UHRF2: variants seen among roughly 807,000 people sequenced by gnomAD.
The protein encoded by UHRF2 is E3 ubiquitin-protein ligase UHRF2.
A neutral mutation model predicts 96.8 loss-of-function variants in UHRF2; 23 were observed. The observed-to-expected ratio is 0.24, with a 90% CI of 0.17 to 0.34. The LOEUF (loss-of-function observed/expected upper bound fraction) is 0.34. Ranked by LOEUF, UHRF2 falls within the 10% of genes least tolerant of loss-of-function variation. UHRF2 has a pLI of 1.00. For synonymous variants in UHRF2, 385 were observed against 332.6 expected (o/e 1.16, Z -1.72); for missense variants, 685 against 981.5 (o/e 0.70, Z 4.04).
intron 4 of UHRF2, among the ~76,000 whole-genome samples, chr9:6,466,403 G>C (rs1007060865): frequency 6.6e-6 from 1 of 152,074 alleles, no homozygotes; most frequent in African/African-American, 2.4e-5. Context: ...AGCTGGGCAT[G>C]CTGGTGCACG....
At chr9:6,450,360 A>G (rs1821785373) in intron 3 of UHRF2, among the ~76,000 whole-genome samples, 1 of 120,504 alleles carries the variant, frequency 8.3e-6, no homozygotes, top group Non-Finnish European at 1.6e-5. Context: ...CAATTTTCTC[A>G]GTCTGGATTT....
chr9:6,433,944 G>A lies in UHRF2; in HGVS notation c.415G>A (p.Gly139Ser), dbSNP rs1309228574. The A allele has an allele frequency of 1.2e-6, 2 of 1,609,386 alleles. No individual in the cohort carries two copies. The highest frequency in any genetic ancestry group is 1.7e-6 in the Non-Finnish European group (2 of 1,176,446). ...VNELVDARDV[G>S]LGAWFEAHIH... Reference sequence around the variant, plus strand: ...TGAATTGGTGGATGCCAGAGATGTCGGCCTTGGTGCTTGGTTTGAAGCACA... The same window carrying A: ...TGAATTGGTGGATGCCAGAGATGTCAGCCTTGGTGCTTGGTTTGAAGCACA... The change falls in exon 3 of 16, where the codon GGC (glycine) becomes AGC (serine). Residue 139 changes from glycine (G) to serine (S), a missense_variant. Gly to Ser is a moderately conservative substitution (Grantham distance 56, BLOSUM62 0). Transcript: ENST00000276893.
intron 3 of UHRF2, among the ~76,000 whole-genome samples, chr9:6,443,359 A>C (rs1821294573): frequency 6.6e-6 from 1 of 151,744 alleles, no homozygotes; most frequent in South Asian, 2.1e-4. Flanking sequence ...ATGTTTTCTT[A>C]TGTGTAAAGT....
chr9:6,422,331 C>T (rs1354108761), intron 2 of UHRF2, among the ~76,000 whole-genome samples: 2 of 152,160 alleles, frequency 1.3e-5, no homozygotes, highest in South Asian at 2.1e-4. Flanking sequence ...CTGCCCTCCT[C>T]GGTCTCCCAA....
chr9:6,452,450 T>A (rs1389268711), intron 3 of UHRF2, among the ~76,000 whole-genome samples: 1 of 152,196 alleles, frequency 6.6e-6, no homozygotes, highest in East Asian at 1.9e-4. Context: ...GTCAACAAAT[T>A]GTAATCAAAC....
chr9:6,505,380 C>T (rs992997982), intron 15 of UHRF2, among the ~76,000 whole-genome samples: 1 of 152,136 alleles, frequency 6.6e-6, no homozygotes, highest in African/African-American at 2.4e-5. Context: ...ACTGTAACCT[C>T]TGCCTCCCCA....
At chr9:6,432,749 C>G (rs1298018207) in intron 2 of UHRF2, among the ~76,000 whole-genome samples, 1 of 151,796 alleles carries the variant, frequency 6.6e-6, no homozygotes. Flanking sequence ...AAATAGTGAT[C>G]TTGTGTTGAT....
chr9:6,429,792 C>G (rs11998897), intron 2 of UHRF2, among the ~76,000 whole-genome samples: 2 of 152,190 alleles, frequency 1.3e-5, no homozygotes, highest in Non-Finnish European at 2.9e-5. Flanking sequence ...AATTAAGTAA[C>G]TTGTTCATGG....
At chr9:6,478,765 C>G (rs1823742815) in intron 6 of UHRF2, among the ~76,000 whole-genome samples, 1 of 152,098 alleles carries the variant, frequency 6.6e-6, no homozygotes, top group South Asian at 2.1e-4. Flanking sequence ...CTCTCCCTAA[C>G]CTGTTGGGAA....
At chr9:6,488,905 C>T (rs1384996800) in intron 9 of UHRF2, among the ~76,000 whole-genome samples, 1 of 152,020 alleles carries the variant, frequency 6.6e-6, no homozygotes, top group Non-Finnish European at 1.5e-5. Flanking sequence ...CTCTGCCTCC[C>T]AGGTTCAAGT....
At position 6,434,107 on chromosome 9, in the gene UHRF2, C is replaced by G. The variant is rs1347726883; in HGVS notation, c.578C>G (p.Pro193Arg). ...KENTNKLDSV[P>R]STSNSDCVAA... ...AACACAAATAAATTGGACAGTGTAC[C>G]CTCTACGTCTAATTCAGACTGTGTT... The change falls in exon 3 of 16, where the codon CCC becomes CGC. Residue 193 changes from proline (P) to arginine (R), a missense_variant. By Grantham distance (103) the Pro-to-Arg change is moderately radical (BLOSUM62 -2). Coordinates refer to ENST00000276893, the MANE Select transcript of UHRF2 (RefSeq NM_152896.3). 6.2e-7 allele frequency: 1 copy of G among 1,613,842 alleles called. No homozygotes were observed. The highest frequency in any genetic ancestry group is 1.3e-5 in the African/African-American group (1 of 74,876).
chr9:6,430,219 G>A (rs562021366), intron 2 of UHRF2, among the ~76,000 whole-genome samples: 18 of 151,768 alleles, frequency 1.2e-4, no homozygotes, highest in Non-Finnish European at 2.5e-4. Context: ...CATGTTTGCC[G>A]GGCTGGTCTT....
At chr9:6,429,871 C>T (rs1820473210) in intron 2 of UHRF2, among the ~76,000 whole-genome samples, 2 of 152,016 alleles carry the variant, frequency 1.3e-5, no homozygotes, top group African/African-American at 4.8e-5. Flanking sequence ...GTGTTTTCTG[C>T]AAAACAAATG....
At chr9:6,459,996 T>TA (rs1200207064) in intron 3 of UHRF2, among the ~76,000 whole-genome samples, 1 of 152,078 alleles carries the variant, frequency 6.6e-6, no homozygotes, top group Non-Finnish European at 1.5e-5. Context: ...AAACTTGGGT[T>TA]AAAAAAATGT....
chr9:6,445,972 C>CCG (rs1554624497), intron 3 of UHRF2, among the ~76,000 whole-genome samples: 1 of 121,004 alleles, frequency 8.3e-6, no homozygotes, highest in East Asian at 3.0e-4. Flanking sequence ...CTCTTCCCCC[C>CCG]CCGCCACCCT....
intron 9 of UHRF2, chr9:6,492,313 T>A (rs1480833371): frequency 8.0e-7 from 1 of 1,253,088 alleles, no homozygotes; most frequent in Non-Finnish European, 1.0e-6. Flanking sequence ...TTGACAGAGT[T>A]ATGAATATGA....
chr9:6,453,484 A>T (rs1399903839), intron 3 of UHRF2, among the ~76,000 whole-genome samples: 1 of 152,236 alleles, frequency 6.6e-6, no homozygotes, highest in African/African-American at 2.4e-5. Flanking sequence ...TTGAGGCAGG[A>T]AATGAATTTA....
At chr9:6,488,776 A>G (rs1451076866) in intron 9 of UHRF2, among the ~76,000 whole-genome samples, 2 of 150,700 alleles carry the variant, frequency 1.3e-5, no homozygotes. Flanking sequence ...TGCTGGGATT[A>G]CAGGCATGAG....
At chr9:6,471,881 A>G (rs541901579) in intron 4 of UHRF2, among the ~76,000 whole-genome samples, 2 of 152,346 alleles carry the variant, frequency 1.3e-5, no homozygotes, top group Non-Finnish European at 2.9e-5. Flanking sequence ...GACCAGGAGA[A>G]TAGAGACAAA....
Sources: gnomAD v4.1 joint callset for allele counts (sites outside exome capture counted in the v4.1 genomes callset) on GRCh38, gnomAD v4.1.1 for gene constraint, MANE v1.5 for transcripts, NCBI Gene and HGNC (gene_info 2026-07-23, HGNC 2026-07-21) for gene names.